FGF12: variants seen among roughly 807,000 people sequenced by gnomAD.
FGF12 encodes fibroblast growth factor 12B.
Under a neutral mutation model 23.6 loss-of-function variants are expected in FGF12, and 14 were observed. That is an observed-to-expected ratio of 0.59 (90% CI 0.39 to 0.93). The LOEUF is 0.93. Among genes scored for constraint, FGF12 ranks in the 40% least tolerant of loss-of-function variants. The pLI is 0.00. For missense variants in FGF12, 175 were observed against 217.8 expected (o/e 0.80, Z 1.24); for synonymous variants, 62 against 77.3 (o/e 0.80, Z 1.04).
chr3:192,435,820 G>A (rs1444221740), intron 2 of FGF12, among the ~76,000 whole-genome samples: 1 of 152,180 alleles, frequency 6.6e-6, no homozygotes, highest in African/African-American at 2.4e-5. Flanking sequence ...CCAGTGCAGA[G>A]TAATTTTCAA....
At chr3:192,549,176 T>C (rs1260360166) in intron 2 of FGF12, among the ~76,000 whole-genome samples, 1 of 152,182 alleles carries the variant, frequency 6.6e-6, no homozygotes, top group African/African-American at 2.4e-5. Context: ...GCTATATATG[T>C]GATTCAGGAG....
chr3:192,495,924 A>C (rs1309397089), intron 2 of FGF12, among the ~76,000 whole-genome samples: 1 of 152,042 alleles, frequency 6.6e-6, no homozygotes, highest in Non-Finnish European at 1.5e-5. Flanking sequence ...CGGCCTCCCA[A>C]ATTGCTGGGA....
chr3:192,458,168 C>T (rs1722738362), intron 2 of FGF12, among the ~76,000 whole-genome samples: 2 of 152,188 alleles, frequency 1.3e-5, no homozygotes, highest in South Asian at 4.1e-4. Flanking sequence ...GTGGGGCCCT[C>T]ATGAAGAACC....
At chr3:192,519,484 A>G (rs1165786176) in intron 2 of FGF12, among the ~76,000 whole-genome samples, 1 of 152,176 alleles carries the variant, frequency 6.6e-6, no homozygotes, top group Non-Finnish European at 1.5e-5. Flanking sequence ...TAGTGGTATT[A>G]ACCTTGATTG....
chr3:192,477,124 G>A (rs1276917079), intron 2 of FGF12, among the ~76,000 whole-genome samples: 5 of 152,138 alleles, frequency 3.3e-5, no homozygotes, highest in Non-Finnish European at 7.3e-5. Flanking sequence ...CAAATCCAGG[G>A]GAGAAAGCTG....
chr3:192,461,557 CTTAAT>C (rs142971575), intron 2 of FGF12, among the ~76,000 whole-genome samples: 3,180 of 152,124 alleles, frequency 0.021, 86 homozygotes, highest in African/African-American at 0.066. Flanking sequence ...GTTTTTATTT[CTTAAT>C]TTAAAGAAAT....
chr3:192,585,315 C>T (rs1432276755), intron 2 of FGF12, among the ~76,000 whole-genome samples: 1 of 152,150 alleles, frequency 6.6e-6, no homozygotes, highest in Non-Finnish European at 1.5e-5. Context: ...GTCTCTTCAA[C>T]TATAAATCTT....
intron 3 of FGF12, among the ~76,000 whole-genome samples, chr3:192,343,157 G>A (rs1717775487): frequency 6.6e-6 from 1 of 152,124 alleles, no homozygotes; most frequent in African/African-American, 2.4e-5. Context: ...GTTGTATTTA[G>A]AAATTCTAGA....
chr3:192,289,532 T>TA (rs1714645225), intron 4 of FGF12, among the ~76,000 whole-genome samples: 1 of 152,078 alleles, frequency 6.6e-6, no homozygotes, highest in Non-Finnish European at 1.5e-5. Flanking sequence ...TCTAAGTCGA[T>TA]ATGTGTGAGG....
chr3:192,176,101 GA>G (rs1577205437), intron 4 of FGF12, among the ~76,000 whole-genome samples: 2 of 152,236 alleles, frequency 1.3e-5, no homozygotes. Flanking sequence ...AGATTTTAAT[GA>G]ATACTTGGAT....
At chr3:192,656,141 C>T (rs1364740018) in intron 2 of FGF12, among the ~76,000 whole-genome samples, 1 of 151,724 alleles carries the variant, frequency 6.6e-6, no homozygotes, top group Non-Finnish European at 1.5e-5. Context: ...TAATGTACAG[C>T]CATCCAAAAA....
intron 4 of FGF12, chr3:192,267,203 C>A (rs980157018): frequency 6.6e-6 from 1 of 152,066 alleles, no homozygotes; most frequent in African/African-American, 2.4e-5. Flanking sequence ...GAGAGGAAAT[C>A]ACAGGTTACA....
At chr3:192,370,062 C>A (rs530200888) in intron 2 of FGF12, among the ~76,000 whole-genome samples, 3 of 152,222 alleles carry the variant, frequency 2.0e-5, no homozygotes, top group African/African-American at 7.2e-5. Context: ...GTGCAGGGAC[C>A]AGGTATGTAG....
chr3:192,369,868 CCACGGAAT>C (rs978094693), intron 2 of FGF12, among the ~76,000 whole-genome samples: 25 of 152,232 alleles, frequency 1.6e-4, no homozygotes, highest in East Asian at 9.6e-4. Flanking sequence ...AAATAAAATG[CCACGGAAT>C]CACAGAATGG....
rs934370840 is a variant in FGF12 at position 192,141,007 on chromosome 3, A to G, written c.*3002T>C. Reference sequence around the variant, plus strand: ...TTTGTTTTCATTCTTAAGCTCGTTGATTTTGAAACTTATTCCAATAAGAAC... The same window carrying G: ...TTTGTTTTCATTCTTAAGCTCGTTGGTTTTGAAACTTATTCCAATAAGAAC... On this transcript the variant is annotated 3_prime_UTR_variant, in exon 6 of 6. Coordinates refer to ENST00000445105, the MANE Select transcript of FGF12 (RefSeq NM_004113.6). 1 of 151,584 alleles carries G rather than the reference A, an allele frequency of 6.6e-6. No homozygotes were observed. The highest frequency in any genetic ancestry group is 2.4e-5 in the African/African-American group (1 of 41,314). The allele number at this position is 151,584 out of a possible 1,614,324, so 9.4% of individuals were successfully genotyped here.
chr3:192,297,145 C>CA (rs1446200698), intron 4 of FGF12, among the ~76,000 whole-genome samples: 1 of 152,000 alleles, frequency 6.6e-6, no homozygotes, highest in African/African-American at 2.4e-5. Flanking sequence ...TATGTCTGCT[C>CA]AAAAAAATAA....
chr3:192,564,847 G>T (rs1315160187), intron 2 of FGF12, among the ~76,000 whole-genome samples: 1 of 152,198 alleles, frequency 6.6e-6, no homozygotes, highest in Non-Finnish European at 1.5e-5. Context: ...TTATAGCACA[G>T]AATTCCCTTA....
intron 5 of FGF12, among the ~76,000 whole-genome samples, chr3:192,149,389 G>C (rs1475375274): frequency 6.8e-6 from 1 of 146,982 alleles, no homozygotes; most frequent in Non-Finnish European, 1.5e-5. Flanking sequence ...ATGTATACAT[G>C]TGCCATGCTG....
chr3:192,709,185 A>G (rs1718585471), intron 2 of FGF12, among the ~76,000 whole-genome samples: 1 of 152,174 alleles, frequency 6.6e-6, no homozygotes, highest in African/African-American at 2.4e-5. Flanking sequence ...TATCCCCTGA[A>G]TTTGCTGGCT....
Sources: gnomAD v4.1 joint callset for allele counts (sites outside exome capture counted in the v4.1 genomes callset) on GRCh38, gnomAD v4.1.1 for gene constraint, MANE v1.5 for transcripts, NCBI Gene and HGNC (gene_info 2026-07-23, HGNC 2026-07-21) for gene names.